PRKD1: variants seen among roughly 807,000 people sequenced by gnomAD.
The protein encoded by PRKD1 is serine/threonine-protein kinase D1.
PRKD1 carries 63 observed loss-of-function variants against 95.9 expected under a neutral mutation model. That is an observed-to-expected ratio of 0.66 (90% CI 0.54 to 0.81). The LOEUF is 0.81. PRKD1 is among the 30% of genes least tolerant of loss of function. PRKD1 has a pLI of 0.00. For synonymous variants in PRKD1, 425 were observed against 423.1 expected (o/e 1.00, Z -0.05); for missense variants, 1,048 against 1,165.3 (o/e 0.90, Z 1.47).
At chr14:29,777,884 A>G (rs1228977168) in intron 1 of PRKD1, among the ~76,000 whole-genome samples, 1 of 152,162 alleles carries the variant, frequency 6.6e-6, no homozygotes, top group African/African-American at 2.4e-5. Flanking sequence ...AATTGACCAC[A>G]AAGTTGGAAG....
intron 2 of PRKD1, among the ~76,000 whole-genome samples, chr14:29,686,996 T>C (rs1883912905): frequency 9.7e-5 from 1 of 10,342 alleles, no homozygotes; most frequent in Non-Finnish European, 1.7e-4. Context: ...TCATTCTCCA[T>C]ATCCTGCCCA....
In PRKD1 at chr14:29,908,897, G is replaced by A. The variant is rs1274779934; in HGVS notation, c.264+18352C>T. Among the ~76,000 whole-genome samples the A allele has an allele frequency of 5.9e-5, 9 of 152,184 alleles. 1 individual carries two copies. The highest frequency in any genetic ancestry group is 4.1e-4 in the South Asian group (2 of 4,836). Reference sequence around the variant, plus strand: ...TGGCCTCAGCACCCACTCTGGCCACGCTTGAGGAGCCCTTTAGCCCACTGC... The same window carrying A: ...TGGCCTCAGCACCCACTCTGGCCACACTTGAGGAGCCCTTTAGCCCACTGC... On this transcript the variant is annotated intron_variant, in intron 1 of 17. Transcript: ENST00000331968.
At chr14:29,682,212 T>C (rs1486529234) in intron 2 of PRKD1, among the ~76,000 whole-genome samples, 1 of 152,230 alleles carries the variant, frequency 6.6e-6, no homozygotes, top group Non-Finnish European at 1.5e-5. Flanking sequence ...AAAATTTAAA[T>C]GCCACATCTG....
chr14:29,606,606 C>A (rs1276116851), intron 13 of PRKD1, among the ~76,000 whole-genome samples: 1 of 152,092 alleles, frequency 6.6e-6, no homozygotes, highest in African/African-American at 2.4e-5. Context: ...CAAAAGCCAC[C>A]AGGAAACAGT....
At chr14:29,687,927 G>C (rs946415569) in intron 2 of PRKD1, among the ~76,000 whole-genome samples, 5 of 152,210 alleles carry the variant, frequency 3.3e-5, no homozygotes, top group Admixed American at 3.3e-4. Context: ...CCTAATACTT[G>C]TATTAGTTTC....
At chr14:29,744,746 C>T (rs145334601) in intron 1 of PRKD1, among the ~76,000 whole-genome samples, 52 of 152,220 alleles carry the variant, frequency 3.4e-4, no homozygotes, top group Non-Finnish European at 6.0e-4. Context: ...TGAGGTTTTA[C>T]CATGTTGCCA....
intron 1 of PRKD1, among the ~76,000 whole-genome samples, chr14:29,891,219 G>A (rs1456930840): frequency 6.6e-6 from 1 of 152,190 alleles, no homozygotes; most frequent in Non-Finnish European, 1.5e-5. Context: ...TTTCACTGAT[G>A]TGGCAGAGGT....
intron 2 of PRKD1, among the ~76,000 whole-genome samples, chr14:29,722,285 T>C (rs1885936419): frequency 6.6e-6 from 1 of 152,176 alleles, no homozygotes; most frequent in South Asian, 2.1e-4. Context: ...GCAGCACCCT[T>C]CGTGTCCCCT....
At chr14:29,840,296 AG>A (rs1267185857) in intron 1 of PRKD1, among the ~76,000 whole-genome samples, 1 of 152,190 alleles carries the variant, frequency 6.6e-6, no homozygotes, top group Non-Finnish European at 1.5e-5. Flanking sequence ...CCTAAAACAT[AG>A]GAAGAGTCAC....
intron 1 of PRKD1, among the ~76,000 whole-genome samples, chr14:29,910,990 G>T (rs1484080084): frequency 6.6e-6 from 1 of 152,116 alleles, no homozygotes. Context: ...ACATGGGAAG[G>T]TTTGAAATTA....
At chr14:29,715,737 T>C (rs775422944) in intron 2 of PRKD1, among the ~76,000 whole-genome samples, 1 of 152,210 alleles carries the variant, frequency 6.6e-6, no homozygotes, top group Non-Finnish European at 1.5e-5. Context: ...ATACTGTAAT[T>C]GCCTAAAACA....
chr14:29,621,688 A>G (rs146183585), intron 13 of PRKD1, among the ~76,000 whole-genome samples: 13 of 152,336 alleles, frequency 8.5e-5, no homozygotes, highest in Non-Finnish European at 1.8e-4. Flanking sequence ...GAGTGATATA[A>G]TTTAAAGACC....
At chr14:29,828,756 A>C (rs1891292719) in intron 1 of PRKD1, among the ~76,000 whole-genome samples, 2 of 152,188 alleles carry the variant, frequency 1.3e-5, no homozygotes, top group South Asian at 4.1e-4. Context: ...ACTGAATTAG[A>C]TATAAACACC....
At chr14:29,820,043 T>C (rs1190379516) in intron 1 of PRKD1, among the ~76,000 whole-genome samples, 1 of 152,168 alleles carries the variant, frequency 6.6e-6, no homozygotes, top group East Asian at 1.9e-4. Flanking sequence ...TATGAAAGTC[T>C]CTCCAAAAAG....
intron 1 of PRKD1, among the ~76,000 whole-genome samples, chr14:29,898,295 A>G (rs1306118128): frequency 1.3e-5 from 2 of 152,168 alleles, no homozygotes; most frequent in Non-Finnish European, 2.9e-5. Flanking sequence ...AAAAGAGTAT[A>G]CTTTTTAAAA....
intron 4 of PRKD1, among the ~76,000 whole-genome samples, chr14:29,651,088 G>A (rs902166100): frequency 1.3e-5 from 2 of 152,188 alleles, no homozygotes; most frequent in African/African-American, 4.8e-5. Flanking sequence ...GTGTGTCTGT[G>A]TGTACACGCT....
At chr14:29,871,735 G>C (rs1289099647) in intron 1 of PRKD1, among the ~76,000 whole-genome samples, 1 of 152,118 alleles carries the variant, frequency 6.6e-6, no homozygotes, top group African/African-American at 2.4e-5. Flanking sequence ...GAGTATGATG[G>C]TAAGTGCTCT....
chr14:29,735,961 AT>A (rs1398542238), intron 1 of PRKD1, among the ~76,000 whole-genome samples: 2 of 152,242 alleles, frequency 1.3e-5, no homozygotes, highest in Non-Finnish European at 2.9e-5. Context: ...TAAAGCTATC[AT>A]TTAAACACTA....
chr14:29,826,804 CATATATATACACAT>C (rs1891188894), intron 1 of PRKD1, among the ~76,000 whole-genome samples: 2 of 33,514 alleles, frequency 6.0e-5, no homozygotes, highest in Non-Finnish European at 1.1e-4. Context: ...TATATATACA[CATATATATACACAT>C]ATATATATAT....
Sources: gnomAD v4.1 joint callset for allele counts (sites outside exome capture counted in the v4.1 genomes callset) on GRCh38, gnomAD v4.1.1 for gene constraint, MANE v1.5 for transcripts, NCBI Gene and HGNC (gene_info 2026-07-23, HGNC 2026-07-21) for gene names.